The following PRKAR1B variants were observed in gnomAD, a reference collection of about 807,000 sequenced individuals.
PRKAR1B encodes cAMP-dependent protein kinase type I-beta regulatory subunit.
A neutral mutation model predicts 46.5 loss-of-function variants in PRKAR1B; 22 were observed. The observed-to-expected ratio is 0.47, with a 90% CI of 0.34 to 0.68. The LOEUF (loss-of-function observed/expected upper bound fraction) is 0.68. Ranked by LOEUF, PRKAR1B falls within the 30% of genes least tolerant of loss-of-function variation. The pLI is 0.01. For missense variants in PRKAR1B, 445 were observed against 535.6 expected (o/e 0.83, Z 1.67); for synonymous variants, 259 against 217.7 (o/e 1.19, Z -1.67).
intron 2 of PRKAR1B, among the ~76,000 whole-genome samples, chr7:694,541 C>A (rs868387668): frequency 6.6e-6 from 1 of 152,104 alleles, no homozygotes; most frequent in African/African-American, 2.4e-5. Flanking sequence ...ATGTGCCTGG[C>A]GAACTCCTAC....
chr7:705,019 C>T (rs1164411580), intron 2 of PRKAR1B, among the ~76,000 whole-genome samples: 5 of 152,008 alleles, frequency 3.3e-5, no homozygotes, highest in African/African-American at 7.2e-5. Context: ...GGGCCGGGCG[C>T]AGTGGCTCAC....
chr7:641,244 G>A (rs553804677), intron 4 of PRKAR1B, among the ~76,000 whole-genome samples: 2 of 152,250 alleles, frequency 1.3e-5, no homozygotes, highest in Admixed American at 6.5e-5. Context: ...GAGCCACCGC[G>A]CCCGGCCGGA....
chr7:693,750 G>A (rs990211595), intron 2 of PRKAR1B, among the ~76,000 whole-genome samples: 3 of 152,048 alleles, frequency 2.0e-5, no homozygotes, highest in African/African-American at 4.8e-5. Context: ...TCAATTCTTC[G>A]GGCTGTGTAC....
chr7:655,515 C>G (rs1016266461), intron 4 of PRKAR1B, among the ~76,000 whole-genome samples: 2 of 152,204 alleles, frequency 1.3e-5, no homozygotes, highest in Non-Finnish European at 2.9e-5. Context: ...AAACTGCATC[C>G]CCATCCCCTG....
chr7:645,700 C>T (rs1417185946), intron 4 of PRKAR1B, among the ~76,000 whole-genome samples: 1 of 152,150 alleles, frequency 6.6e-6, no homozygotes, highest in Non-Finnish European at 1.5e-5. Flanking sequence ...GCCCTCCAGC[C>T]TCCAGGCCTG....
chr7:559,860 G>A (rs775876913), intron 9 of PRKAR1B, among the ~76,000 whole-genome samples: 3 of 152,200 alleles, frequency 2.0e-5, no homozygotes, highest in Non-Finnish European at 4.4e-5. Flanking sequence ...AAGATTCCTT[G>A]AGCCCAGGTG....
chr7:684,692 C>T (rs775941292), intron 2 of PRKAR1B, among the ~76,000 whole-genome samples: 24 of 152,190 alleles, frequency 1.6e-4, no homozygotes, highest in Non-Finnish European at 3.2e-4. Context: ...AGGCAGCCCC[C>T]CAAGGCCAGG....
chr7:576,160 C>T (rs574525601), intron 9 of PRKAR1B, among the ~76,000 whole-genome samples: 12 of 139,796 alleles, frequency 8.6e-5, no homozygotes, highest in East Asian at 4.5e-4. Flanking sequence ...CCTCTGCAGA[C>T]GGGCGGGCGT....
intron 4 of PRKAR1B, among the ~76,000 whole-genome samples, chr7:630,449 G>A (rs1431931293): frequency 2.6e-5 from 4 of 152,200 alleles, no homozygotes; most frequent in Admixed American, 2.6e-4. Flanking sequence ...AGGTCAGCCT[G>A]CATCTGAGGC....
At chr7:675,424 TC>T (rs1786527018) in intron 4 of PRKAR1B, among the ~76,000 whole-genome samples, 1 of 152,238 alleles carries the variant, frequency 6.6e-6, no homozygotes, top group South Asian at 2.1e-4. Flanking sequence ...AGACACTTTC[TC>T]TTTGTATTTT....
At chr7:592,395 G>A (rs991158656) in intron 7 of PRKAR1B, among the ~76,000 whole-genome samples, 13 of 151,978 alleles carry the variant, frequency 8.6e-5, no homozygotes, top group African/African-American at 2.2e-4. Flanking sequence ...TTGGCTGTGC[G>A]GAGTCACTCC....
At chr7:627,040 AC>A (rs1280171762) in intron 4 of PRKAR1B, among the ~76,000 whole-genome samples, 68 of 152,106 alleles carry the variant, frequency 4.5e-4, no homozygotes, top group African/African-American at 1.5e-3. Context: ...ACGCCCAACT[AC>A]TTTTTGTATT....
At chr7:712,709 G>C (rs71518341) in intron 1 of PRKAR1B, 75,685 of 117,208 alleles carry the variant, frequency 0.65, 24,748 homozygotes, top group Non-Finnish European at 0.69. Flanking sequence ...ACCCCCCGCT[G>C]TCGCCGCCCC....
chr7:657,266 C>CGGAT (rs34846168), intron 4 of PRKAR1B, among the ~76,000 whole-genome samples: 38,709 of 98,446 alleles, frequency 0.39, 7,975 homozygotes, highest in Middle Eastern at 0.57. Flanking sequence ...AATGGACGGA[C>CGGAT]GGATGGATGG....
At chr7:700,004 G>A (rs997232753) in intron 2 of PRKAR1B, among the ~76,000 whole-genome samples, 30 of 152,182 alleles carry the variant, frequency 2.0e-4, no homozygotes, top group African/African-American at 4.8e-5. Flanking sequence ...GGCAGGGAGA[G>A]AAACAGGCAT....
At position 680,644 on chromosome 7, in the gene PRKAR1B, G is replaced by C. The variant is rs770716715; in HGVS notation, c.260C>G (p.Pro87Arg). The change falls in exon 3 of 11, where the codon CCG becomes CGG. Residue 87 changes from proline to arginine, a missense_variant. Around this residue, in one of 5 missense-constraint regions of PRKAR1B, gnomAD observed 155 missense variants for 127.5 expected, o/e 1.22. Coordinates refer to ENST00000537384, the MANE Select transcript of PRKAR1B (RefSeq NM_001164760.2). ...SHDEEVSPTP[P>R]NPVVKARRRR... ...GCGGCGGGCCTTCACCACAGGGTTC[G>C]GGGGGGTGGGCGACACCTCCTCATC... 3.7e-6 allele frequency: 6 copies of C among 1,609,900 alleles called. No homozygotes were observed. Among genetic ancestry groups the C allele is most frequent in the South Asian group, 1.1e-5 (1 of 90,878 alleles).
At chr7:572,717 G>A (rs1372660205) in intron 9 of PRKAR1B, among the ~76,000 whole-genome samples, 5 of 152,224 alleles carry the variant, frequency 3.3e-5, no homozygotes, top group East Asian at 3.9e-4. Flanking sequence ...CTGGAGAGCC[G>A]AGGGGAGCAG....
At chr7:574,205 C>T (rs1442543911) in intron 9 of PRKAR1B, among the ~76,000 whole-genome samples, 1 of 152,254 alleles carries the variant, frequency 6.6e-6, no homozygotes, top group Admixed American at 6.5e-5. Flanking sequence ...GAATCAGCCA[C>T]AGCTACCCAT....
intron 4 of PRKAR1B, among the ~76,000 whole-genome samples, chr7:653,813 A>T (rs1407143406): frequency 1.3e-5 from 2 of 152,172 alleles, no homozygotes; most frequent in African/African-American, 4.8e-5. Flanking sequence ...ACTAGTGCTC[A>T]TCACCCTTAT....
Sources: gnomAD v4.1 joint callset for allele counts (sites outside exome capture counted in the v4.1 genomes callset) on GRCh38, gnomAD v4.1.1 for gene constraint, gnomAD v4.1.1 regional missense constraint, MANE v1.5 for transcripts, NCBI Gene and HGNC (gene_info 2026-07-23, HGNC 2026-07-21) for gene names.